The following C1orf146 variants were observed in gnomAD, a reference collection of about 807,000 sequenced individuals.
C1orf146 encodes chromosome 1 open reading frame 146.
A neutral mutation model predicts 23.0 loss-of-function variants in C1orf146; 22 were observed. That is an observed-to-expected ratio of 0.96 (90% CI 0.68 to 1.36). The LOEUF (loss-of-function observed/expected upper bound fraction) is 1.36, where lower values mean the gene tolerates loss of function less well. Among genes scored for constraint, C1orf146 ranks in the 40% most tolerant of loss-of-function variants. The pLI, the probability that C1orf146 is intolerant of heterozygous loss-of-function variation, is 0.00. For missense variants in C1orf146, 199 were observed against 206.8 expected (o/e 0.96, Z 0.23); for synonymous variants, 59 against 65.3 (o/e 0.90, Z 0.47).
intron 2 of C1orf146, among the ~76,000 whole-genome samples, chr1:92,238,052 C>T (rs3103172): frequency 0.48 from 72,454 of 151,970 alleles, 18,263 homozygotes; most frequent in East Asian, 0.96. Flanking sequence ...GCCTCAGCCT[C>T]CCAAGTAGCT....
chr1:92,220,922 T>C (rs763680743), intron 1 of C1orf146, among the ~76,000 whole-genome samples: 5 of 152,224 alleles, frequency 3.3e-5, no homozygotes, highest in Non-Finnish European at 7.3e-5. Flanking sequence ...AGTTACAGGT[T>C]ACGAGTATCT....
intron 1 of C1orf146, among the ~76,000 whole-genome samples, chr1:92,219,108 A>G (rs145131138): frequency 6.6e-6 from 1 of 152,352 alleles, no homozygotes; most frequent in East Asian, 1.9e-4. Flanking sequence ...ATATCCACAT[A>G]CATACCAGTA....
intron 5 of C1orf146, 125 bp downstream of exon 5, chr1:92,244,982 T>G (rs1652553828): frequency 3.5e-6 from 2 of 569,532 alleles, no homozygotes; most frequent in Non-Finnish European, 6.1e-6. Flanking sequence ...AGTTGCTGTT[T>G]CAGGGTGCAA....
intron 1 of C1orf146, among the ~76,000 whole-genome samples, chr1:92,229,754 C>T (rs1199287309): frequency 6.6e-6 from 1 of 151,924 alleles, no homozygotes; most frequent in Non-Finnish European, 1.5e-5. Flanking sequence ...AGACAAGTCA[C>T]AAACAGGTAG....
intron 2 of C1orf146, among the ~76,000 whole-genome samples, chr1:92,241,192 T>C (rs1434538832): frequency 1.6e-5 from 1 of 62,312 alleles, no homozygotes; most frequent in East Asian, 2.3e-4. Context: ...AGTTGCTTAT[T>C]ATTATTATTA....
chr1:92,245,416 A>T, intron 5 of C1orf146, 124 bp from the exon 6 acceptor site: 1 of 719,934 alleles, frequency 1.4e-6, no homozygotes, highest in Non-Finnish European at 2.3e-6. Flanking sequence ...ACTCATACAT[A>T]GTATTTAGCA....
chr1:92,222,650 C>A (rs1457967378), intron 1 of C1orf146, among the ~76,000 whole-genome samples: 1 of 149,266 alleles, frequency 6.7e-6, no homozygotes, highest in South Asian at 2.1e-4. Flanking sequence ...GCAGTGGCGC[C>A]ATCTTGGCTC....
chr1:92,218,798 G>A (rs1175714722), intron 1 of C1orf146, among the ~76,000 whole-genome samples: 6 of 152,090 alleles, frequency 3.9e-5, no homozygotes, highest in Admixed American at 3.9e-4. Context: ...AGGTGAGGAT[G>A]CAGCCTAACC....
intron 1 of C1orf146, among the ~76,000 whole-genome samples, chr1:92,230,935 G>A (rs1363226200): frequency 2.0e-5 from 3 of 152,114 alleles, no homozygotes; most frequent in Admixed American, 6.6e-5. Context: ...ATGTCACCTG[G>A]CCTTTGTCCC....
intron 1 of C1orf146, among the ~76,000 whole-genome samples, chr1:92,222,222 CAG>C (rs1651834806): frequency 6.6e-6 from 1 of 152,108 alleles, no homozygotes; most frequent in African/African-American, 2.4e-5. Flanking sequence ...GCCATAGTGA[CAG>C]AGTGAGATTC....
intron 1 of C1orf146, among the ~76,000 whole-genome samples, chr1:92,230,771 A>T (rs528594835): frequency 1.9e-3 from 281 of 150,488 alleles, no homozygotes; most frequent in African/African-American, 6.4e-3. Flanking sequence ...GACCCTCTTT[A>T]AAAAAAAATG....
intron 2 of C1orf146, among the ~76,000 whole-genome samples, chr1:92,233,548 C>T (rs1451037447): frequency 2.6e-5 from 4 of 152,072 alleles, no homozygotes; most frequent in Non-Finnish European, 5.9e-5. Context: ...TAGTGTGATG[C>T]CTCCAGCTTT....
At chr1:92,225,028 A>C (rs181111594) in intron 1 of C1orf146, among the ~76,000 whole-genome samples, 16 of 151,842 alleles carry the variant, frequency 1.1e-4, no homozygotes, top group Middle Eastern at 3.5e-3. Flanking sequence ...GGCATGAGCC[A>C]CCGTGCCCGG....
chr1:92,224,046 T>G (rs1183741347), intron 1 of C1orf146, among the ~76,000 whole-genome samples: 1 of 145,256 alleles, frequency 6.9e-6, no homozygotes, highest in Non-Finnish European at 1.5e-5. Context: ...ATTTATTTAT[T>G]TATTTATTTA....
At chr1:92,225,826 T>C (rs1651951990) in intron 1 of C1orf146, among the ~76,000 whole-genome samples, 1 of 152,186 alleles carries the variant, frequency 6.6e-6, no homozygotes, top group African/African-American at 2.4e-5. Context: ...TTTATCAGTA[T>C]AGCCACTCCA....
chr1:92,225,264 C>T (rs969456743), intron 1 of C1orf146, among the ~76,000 whole-genome samples: 3 of 152,044 alleles, frequency 2.0e-5, no homozygotes, highest in Non-Finnish European at 4.4e-5. Flanking sequence ...TGCCACCATA[C>T]CCAGCTAATT....
rs780525138 is a variant in C1orf146 at position 92,244,755 on chromosome 1, T to C, written c.330-24T>C. 8.4e-6 allele frequency: 12 copies of C among 1,420,844 alleles called. No individual in the cohort carries two copies. In the Admixed American group the frequency reaches 2.0e-4, roughly 24 times the overall value. The allele number at this position is 1,420,844 out of a possible 1,614,324, so 88.0% of individuals were successfully genotyped here. A position where few individuals can be genotyped will look rare whatever the true frequency, so the allele number is the denominator to read the frequency against. On this transcript the variant is annotated intron_variant, in intron 4 of 5. Transcript: ENST00000370375. Reference sequence around the variant, plus strand: ...ACAGATGTCAGCAAGTTATATGATCTGTATAACATGAATTGTTTTTCAGAT... The same window carrying C: ...ACAGATGTCAGCAAGTTATATGATCCGTATAACATGAATTGTTTTTCAGAT...
rs1652514619 is a variant in C1orf146, at chr1:92,244,393, A to AAATC, written c.329+8_329+9insAATC. On this transcript the variant is annotated intron_variant, in intron 4 of 5. Coordinates refer to ENST00000370375, the MANE Select transcript of C1orf146 (RefSeq NM_001012425.2). ...GTTCAGGATTCAGCAGAGGTATGGA[A>AAATC]GAATAGCATTATAGACTTATTTTTC... 1 of 1,571,054 alleles carries AAATC rather than the reference A, an allele frequency of 6.4e-7. No homozygotes were observed. The highest frequency in any genetic ancestry group is 1.4e-5 in the African/African-American group (1 of 72,448).
chr1:92,244,458 AGTTTT>A (rs767533577), intron 4 of C1orf146, 73 bp downstream of exon 4: 5 of 1,254,988 alleles, frequency 4.0e-6, no homozygotes, highest in Non-Finnish European at 5.5e-6. Flanking sequence ...CTTTTAGGTA[AGTTTT>A]GTTTTGCTAG....
Sources: allele counts gnomAD v4.1 joint callset (sites outside exome capture counted in the v4.1 genomes callset), GRCh38; gene constraint gnomAD v4.1.1; transcripts MANE v1.5; gene names NCBI Gene and HGNC (gene_info 2026-07-23, HGNC 2026-07-21).